The following RFX3 variants were observed in gnomAD, a reference collection of about 807,000 sequenced individuals.
The protein encoded by RFX3 is regulatory factor X3, also known as transcription factor RFX3.
A neutral mutation model predicts 98.6 loss-of-function variants in RFX3; 14 were observed. The observed-to-expected ratio is 0.14, with a 90% CI of 0.09 to 0.22. RFX3 has a LOEUF of 0.22. RFX3 is among the 10% of genes least tolerant of loss of function. RFX3 has a pLI of 1.00. For missense variants in RFX3, 639 were observed against 926.9 expected, an observed-to-expected ratio of 0.69 and a Z score of 4.03; for synonymous variants, 383 against 328.4, an observed-to-expected ratio of 1.17 and a Z score of -1.80.
intron 1 of RFX3, among the ~76,000 whole-genome samples, chr9:3,408,626 A>G (rs915852420): frequency 6.6e-6 from 1 of 151,792 alleles, no homozygotes; most frequent in African/African-American, 2.4e-5. Flanking sequence ...ACACACACAC[A>G]CACACACACG....
intron 14 of RFX3, among the ~76,000 whole-genome samples, chr9:3,254,458 A>G (rs1821837804): frequency 6.6e-6 from 1 of 152,172 alleles, no homozygotes; most frequent in Admixed American, 6.5e-5. Flanking sequence ...TTCATGGAGC[A>G]CATATACCAC....
chr9:3,466,879 A>G (rs1227159340), intron 1 of RFX3, among the ~76,000 whole-genome samples: 3 of 151,556 alleles, frequency 2.0e-5, no homozygotes, highest in Admixed American at 2.0e-4. Flanking sequence ...TTATTTACAA[A>G]TACTTATCAT....
At position 3,224,111 on chromosome 9, in the gene RFX3, G is replaced by T. The variant is rs1817523310; in HGVS notation, c.*931C>A. 6.6e-6 allele frequency: 1 copy of T among 151,978 alleles called. No homozygotes were observed. The highest frequency in any genetic ancestry group is 2.1e-4 in the South Asian group (1 of 4,826). The allele number at this position is 151,978 out of a possible 1,614,324, so 9.4% of individuals were successfully genotyped here. ...GGAAAAAGACCTGGAATAAAAGAAA[G>T]TCATCCAAATGGAATGGTTTCCTGT... On this transcript the variant is annotated 3_prime_UTR_variant, in exon 17 of 17. Transcript: ENST00000617270.
At chr9:3,487,700 C>CA (rs1343114888) in intron 1 of RFX3, among the ~76,000 whole-genome samples, 1 of 152,096 alleles carries the variant, frequency 6.6e-6, no homozygotes, top group Non-Finnish European at 1.5e-5. Flanking sequence ...AAGTACTACT[C>CA]AGAGTCCTAA....
At chr9:3,443,517 C>G (rs1285024533) in intron 1 of RFX3, among the ~76,000 whole-genome samples, 1 of 152,112 alleles carries the variant, frequency 6.6e-6, no homozygotes, top group African/African-American at 2.4e-5. Context: ...CATTCATGTC[C>G]CTGTAAAGGA....
intron 3 of RFX3, among the ~76,000 whole-genome samples, chr9:3,335,120 AAAAATAATAATAAT>A (rs1241776917): frequency 3.3e-5 from 5 of 151,926 alleles, no homozygotes; most frequent in African/African-American, 7.3e-5. Flanking sequence ...CTCCATCTCA[AAAAATAATAATAAT>A]AAAATAATAA....
chr9:3,231,869 G>A (rs1818497932), intron 15 of RFX3, among the ~76,000 whole-genome samples: 1 of 152,032 alleles, frequency 6.6e-6, no homozygotes, highest in African/African-American at 2.4e-5. Flanking sequence ...TTCGAGATCA[G>A]CCTGTCCAAC....
intron 1 of RFX3, among the ~76,000 whole-genome samples, chr9:3,511,352 G>C (rs775505392): frequency 6.6e-6 from 1 of 151,766 alleles, no homozygotes; most frequent in Admixed American, 6.6e-5. Context: ...CATGAATAAC[G>C]ATTTTTTTTT....
intron 6 of RFX3, among the ~76,000 whole-genome samples, chr9:3,291,000 T>A (rs1827258946): frequency 6.6e-6 from 1 of 152,034 alleles, no homozygotes; most frequent in Non-Finnish European, 1.5e-5. Context: ...TCCAGAGGGG[T>A]CCTCCTATAC....
Position 3,392,487 on chromosome 9 carries a change from A to G in RFX3, c.117+2985T>C, listed in dbSNP as rs114027294. ...ATTAAAAATAATATAAGGCCTGAACAATGAAATTGAAAATAGAACAAAAAA... is the reference window on the plus strand; with the variant it reads ...ATTAAAAATAATATAAGGCCTGAACGATGAAATTGAAAATAGAACAAAAAA... On this transcript the variant is annotated intron_variant, in intron 2 of 16. Coordinates refer to ENST00000617270, the MANE Select transcript of RFX3 (RefSeq NM_001282116.2). Among the ~76,000 whole-genome samples, 788 of 152,092 alleles carry G rather than the reference A, an allele frequency of 5.2e-3. 7 individuals carry two copies. Among genetic ancestry groups the G allele is most frequent in the African/African-American group, 0.018 (740 of 41,552 alleles).
At chr9:3,321,437 G>C (rs1277703810) in intron 4 of RFX3, among the ~76,000 whole-genome samples, 1 of 152,112 alleles carries the variant, frequency 6.6e-6, no homozygotes, top group Non-Finnish European at 1.5e-5. Flanking sequence ...CACTTGGCAA[G>C]GCTTACCAAC....
At chr9:3,414,523 A>ATG (rs752022806) in intron 1 of RFX3, among the ~76,000 whole-genome samples, 14 of 149,972 alleles carry the variant, frequency 9.3e-5, no homozygotes, top group East Asian at 3.9e-4. Flanking sequence ...GTATATATAT[A>ATG]TGTGTGTGTG....
At chr9:3,260,405 G>C (rs1393808498) in intron 13 of RFX3, among the ~76,000 whole-genome samples, 1 of 151,824 alleles carries the variant, frequency 6.6e-6, no homozygotes, top group East Asian at 1.9e-4. Context: ...AACCAGGGAA[G>C]AACTCATTTG....
chr9:3,371,351 T>C (rs1837822968), intron 2 of RFX3, among the ~76,000 whole-genome samples: 1 of 152,216 alleles, frequency 6.6e-6, no homozygotes, highest in Non-Finnish European at 1.5e-5. Context: ...TACTCTTTAA[T>C]TTTAATACTT....
At chr9:3,315,064 A>G (rs1048884971) in intron 4 of RFX3, among the ~76,000 whole-genome samples, 3 of 151,728 alleles carry the variant, frequency 2.0e-5, no homozygotes, top group African/African-American at 7.3e-5. Flanking sequence ...AAATCAACAG[A>G]ATATACATTC....
intron 3 of RFX3, among the ~76,000 whole-genome samples, chr9:3,338,850 G>A (rs1053511701): frequency 6.6e-6 from 1 of 152,190 alleles, no homozygotes; most frequent in African/African-American, 2.4e-5. Context: ...AACACTTTGG[G>A]AGGCCAAGAC....
rs558503258 is a variant in RFX3, at chr9:3,224,867, TA to T, written c.*174del. 1,395 of 521,244 alleles carry T rather than the reference TA, an allele frequency of 2.7e-3. No homozygotes were observed. Among genetic ancestry groups the T allele is most frequent in the South Asian group, 5.3e-3 (139 of 26,046 alleles). The allele number at this position is 521,244 out of a possible 1,614,324, so 32.3% of individuals were successfully genotyped here. On this transcript the variant is annotated 3_prime_UTR_variant, in exon 17 of 17. Coordinates refer to ENST00000617270, the MANE Select transcript of RFX3 (RefSeq NM_001282116.2). ...TAAGAAGCAAATAATTTGTTTACGT[TA>T]AAAAAAAAGATCTGGCAAAATACAT...
chr9:3,465,840 C>T (rs1848163186), intron 1 of RFX3, among the ~76,000 whole-genome samples: 1 of 151,610 alleles, frequency 6.6e-6, no homozygotes, highest in African/African-American at 2.4e-5. Flanking sequence ...AAAGTGGACT[C>T]AAAGGAGATA....
At chr9:3,442,506 A>G (rs1845691561) in intron 1 of RFX3, among the ~76,000 whole-genome samples, 1 of 152,222 alleles carries the variant, frequency 6.6e-6, no homozygotes. Context: ...CACAAAAACT[A>G]AACAAAATGT....
Sources: gnomAD v4.1 joint callset for allele counts (sites outside exome capture counted in the v4.1 genomes callset) on GRCh38, gnomAD v4.1.1 for gene constraint, MANE v1.5 for transcripts, NCBI Gene and HGNC (gene_info 2026-07-23, HGNC 2026-07-21) for gene names.